MARCHF1: variants seen among roughly 807,000 people sequenced by gnomAD.
MARCHF1 encodes the protein E3 ubiquitin-protein ligase MARCHF1.
Under a neutral mutation model 54.2 loss-of-function variants are expected in MARCHF1, and 40 were observed. The ratio of observed to expected loss-of-function variants is 0.74; its 90% CI spans 0.57 to 0.96. MARCHF1 has a LOEUF of 0.96. Among genes scored for constraint, MARCHF1 ranks in the 40% least tolerant of loss-of-function variants. MARCHF1 has a pLI of 0.00. For missense variants in MARCHF1, 586 were observed against 656.5 expected (o/e 0.89, Z 1.17); for synonymous variants, 236 against 236.3 (o/e 1.00, Z 0.01).
chr4:164,014,152 A>G (rs921231201), intron 2 of MARCHF1, among the ~76,000 whole-genome samples: 25 of 150,872 alleles, frequency 1.7e-4, no homozygotes, highest in African/African-American at 5.6e-4. Context: ...AGATCGCATC[A>G]CTGCACTCCA....
intron 1 of MARCHF1, among the ~76,000 whole-genome samples, chr4:164,143,973 A>G (rs374474866): frequency 2.4e-4 from 36 of 152,294 alleles, no homozygotes; most frequent in Admixed American, 1.2e-3. Flanking sequence ...AAAGGATGGA[A>G]GAAGATCTAC....
intron 5 of MARCHF1, among the ~76,000 whole-genome samples, chr4:163,637,292 C>T (rs1389515019): frequency 6.6e-6 from 1 of 152,056 alleles, no homozygotes; most frequent in African/African-American, 2.4e-5. Context: ...AAGAAACTAC[C>T]ATCAGAGTGA....
chr4:164,220,606 A>ATATGCTATATATGCATAAATGTAATATG, intron 1 of MARCHF1, among the ~76,000 whole-genome samples: 1 of 138,882 alleles, frequency 7.2e-6, no homozygotes, highest in Non-Finnish European at 1.5e-5. Flanking sequence ...TATGTAATAT[A>ATATGCTATATATGCATAAATGTAATATG]TATGCTATAT....
chr4:163,528,841 G>A lies in MARCHF1; in HGVS notation c.1545C>T (p.Asp515=). ...EKNFSCNVNT[D]IKDAVVVPVP... ...CAGGCACTACCACAGCATCTTTGAT[G>A]TCTGTGTTTACATTACATGAGAAGT... The change falls in exon 10 of 10, where the codon GAC becomes GAT. Residue 515 remains aspartate (D), a synonymous_variant. Coordinates refer to ENST00000514618, the MANE Select transcript of MARCHF1 (RefSeq NM_001394959.1). 4 of 1,613,246 alleles carry A rather than the reference G, an allele frequency of 2.5e-6. No homozygotes were observed. The highest frequency in any genetic ancestry group is 3.4e-6 in the Non-Finnish European group (4 of 1,179,448).
intron 1 of MARCHF1, among the ~76,000 whole-genome samples, chr4:164,249,812 G>C (rs1049798041): frequency 1.3e-5 from 2 of 151,094 alleles, no homozygotes; most frequent in African/African-American, 4.9e-5. Flanking sequence ...GATGAGGGAA[G>C]CAAGGAAAAG....
intron 3 of MARCHF1, among the ~76,000 whole-genome samples, chr4:163,903,128 A>T (rs1433975056): frequency 1.3e-5 from 2 of 152,196 alleles, no homozygotes; most frequent in Non-Finnish European, 2.9e-5. Flanking sequence ...GACAAATCAC[A>T]TAATCTTGTA....
At chr4:164,273,932 GAATT>G (rs774208961) in intron 1 of MARCHF1, among the ~76,000 whole-genome samples, 30 of 152,052 alleles carry the variant, frequency 2.0e-4, no homozygotes, top group Non-Finnish European at 3.5e-4. Context: ...TTTTTGTAAG[GAATT>G]AATAAATAAA....
At chr4:163,638,549 G>A (rs2111024514) in intron 5 of MARCHF1, among the ~76,000 whole-genome samples, 1 of 152,158 alleles carries the variant, frequency 6.6e-6, no homozygotes, top group South Asian at 2.1e-4. Flanking sequence ...TCTACAATCT[G>A]GAGAACCAAG....
intron 4 of MARCHF1, among the ~76,000 whole-genome samples, chr4:163,731,588 C>G (rs1223062680): frequency 6.6e-6 from 1 of 152,114 alleles, no homozygotes; most frequent in Non-Finnish European, 1.5e-5. Flanking sequence ...CTAGATGTCA[C>G]AGAGCTCAGT....
Position 164,038,776 on chromosome 4 carries a change from G to C in MARCHF1, c.-247-50067C>G, listed in dbSNP as rs1187385829. On this transcript the variant is annotated intron_variant, in intron 2 of 9. Transcript: ENST00000514618. ...TAGAAAACTATGTGCTAATTTGTAAGTGGTACATTTATTAATACCATAGCT... is the reference window on the plus strand; with the variant it reads ...TAGAAAACTATGTGCTAATTTGTAACTGGTACATTTATTAATACCATAGCT... 3.3e-5 allele frequency among the ~76,000 whole-genome samples: 5 copies of C among 152,270 alleles called. No homozygotes were observed. In the South Asian group the frequency reaches 8.3e-4, roughly 25 times the overall value.
chr4:164,048,090 T>G (rs1409585529), intron 2 of MARCHF1, among the ~76,000 whole-genome samples: 1 of 152,168 alleles, frequency 6.6e-6, no homozygotes, highest in Admixed American at 6.5e-5. Context: ...TATAACATGT[T>G]AATAAAATTA....
At chr4:164,237,660 T>A (rs1022960535) in intron 1 of MARCHF1, among the ~76,000 whole-genome samples, 1 of 152,036 alleles carries the variant, frequency 6.6e-6, no homozygotes, top group Non-Finnish European at 1.5e-5. Context: ...AGTTTCTTTT[T>A]TAATATTCAT....
intron 4 of MARCHF1, among the ~76,000 whole-genome samples, chr4:163,722,469 A>G (rs1745505165): frequency 1.3e-5 from 2 of 152,314 alleles, no homozygotes; most frequent in East Asian, 1.9e-4. Flanking sequence ...CAATTTTGGA[A>G]TAAGTGCGAT....
chr4:163,620,634 GA>G, intron 5 of MARCHF1, among the ~76,000 whole-genome samples: 1 of 128,430 alleles, frequency 7.8e-6, no homozygotes, highest in African/African-American at 3.0e-5. Context: ...GAGAGAGAGA[GA>G]GAGAGAGAGA....
intron 1 of MARCHF1, among the ~76,000 whole-genome samples, chr4:164,362,693 A>C (rs1730756643): frequency 6.6e-6 from 1 of 152,180 alleles, no homozygotes; most frequent in Non-Finnish European, 1.5e-5. Context: ...AATAACAGAT[A>C]CAAAATCACA....
At chr4:163,845,797 T>C (rs1024332714) in intron 4 of MARCHF1, among the ~76,000 whole-genome samples, 1 of 152,194 alleles carries the variant, frequency 6.6e-6, no homozygotes, top group African/African-American at 2.4e-5. Context: ...CTATTGTGAA[T>C]AACCATGTTT....
intron 1 of MARCHF1, among the ~76,000 whole-genome samples, chr4:164,172,083 G>T (rs2110978439): frequency 6.6e-6 from 1 of 152,222 alleles, no homozygotes; most frequent in East Asian, 1.9e-4. Context: ...CACTAATCAT[G>T]TCTATTTACC....
intron 1 of MARCHF1, chr4:164,196,892 G>A: frequency 3.1e-6 from 4 of 1,305,256 alleles, no homozygotes; most frequent in Admixed American, 1.9e-5. Context: ...GTAAGTTTCA[G>A]GGGGCAGGAT....
chr4:163,576,216 C>T (rs1285479201), intron 8 of MARCHF1, among the ~76,000 whole-genome samples: 4 of 151,910 alleles, frequency 2.6e-5, no homozygotes, highest in Non-Finnish European at 5.9e-5. Flanking sequence ...TTTGCTGCAT[C>T]CCAGAGATCA....
Sources: allele counts gnomAD v4.1 joint callset (sites outside exome capture counted in the v4.1 genomes callset), GRCh38; gene constraint gnomAD v4.1.1; transcripts MANE v1.5; gene names NCBI Gene and HGNC (gene_info 2026-07-23, HGNC 2026-07-21).